ZNF385D: variants seen among roughly 807,000 people sequenced by gnomAD.
The protein encoded by ZNF385D is zinc finger protein 385D.
A neutral mutation model predicts 35.8 loss-of-function variants in ZNF385D; 15 were observed. That is an observed-to-expected ratio of 0.42 (90% CI 0.28 to 0.64). The LOEUF is 0.64. Among genes scored for constraint, ZNF385D ranks in the 30% least tolerant of loss-of-function variants. The pLI is 0.23. For missense variants in ZNF385D, 474 were observed against 494.6 expected, an observed-to-expected ratio of 0.96 and a Z score of 0.39; for synonymous variants, 212 against 186.8, an observed-to-expected ratio of 1.13 and a Z score of -1.10.
intron 3 of ZNF385D, among the ~76,000 whole-genome samples, chr3:21,940,322 A>G (rs1242592153): frequency 6.6e-6 from 1 of 152,154 alleles, no homozygotes; most frequent in Non-Finnish European, 1.5e-5. Context: ...CAGTTCACCC[A>G]TTTAGTGGCA....
At position 22,312,733 on chromosome 3, in the gene ZNF385D, A is replaced by G. The variant is rs569611757; in HGVS notation, c.106+59717T>C. On this transcript the variant is annotated intron_variant, in intron 2 of 5. Transcript: ENST00000494108. Reference sequence around the variant, plus strand: ...CCTCACACCAGTTAGAATGGCAATCATTAAAAAGTCAGGAAACAACAGGTG... The same window carrying G: ...CCTCACACCAGTTAGAATGGCAATCGTTAAAAAGTCAGGAAACAACAGGTG... Among the ~76,000 whole-genome samples the G allele has an allele frequency of 1.5e-4, 23 of 150,522 alleles. No individual in the cohort carries two copies. The South Asian group carries it at 4.5e-3, about 30-fold the overall frequency.
intron 3 of ZNF385D, among the ~76,000 whole-genome samples, chr3:21,830,906 T>C (rs1253326096): frequency 6.6e-6 from 1 of 152,214 alleles, no homozygotes; most frequent in Non-Finnish European, 1.5e-5. Context: ...CCAAGTTCAC[T>C]GAAGGGTGTC....
intron 3 of ZNF385D, among the ~76,000 whole-genome samples, chr3:22,062,205 G>A (rs1699725098): frequency 6.6e-6 from 1 of 151,972 alleles, no homozygotes; most frequent in Middle Eastern, 3.4e-3. Context: ...GTGCCACCAT[G>A]CCTAATTTAT....
At chr3:22,079,171 T>A (rs1700615134) in intron 3 of ZNF385D, among the ~76,000 whole-genome samples, 1 of 152,046 alleles carries the variant, frequency 6.6e-6, no homozygotes, top group African/African-American at 2.4e-5. Flanking sequence ...AATGCTAAAC[T>A]TGAGTGCCAC....
intron 4 of ZNF385D, among the ~76,000 whole-genome samples, chr3:21,498,638 C>A (rs902946704): frequency 6.6e-6 from 1 of 151,970 alleles, no homozygotes; most frequent in African/African-American, 2.4e-5. Flanking sequence ...AAATGCAAAT[C>A]CCAACCACAA....
intron 2 of ZNF385D, among the ~76,000 whole-genome samples, chr3:22,295,899 T>A (rs1203458073): frequency 6.6e-6 from 1 of 152,064 alleles, no homozygotes; most frequent in Non-Finnish European, 1.5e-5. Flanking sequence ...GGCTAATATT[T>A]GAAAGAAACT....
At chr3:21,804,969 T>G (rs892879975) in intron 3 of ZNF385D, among the ~76,000 whole-genome samples, 1 of 152,186 alleles carries the variant, frequency 6.6e-6, no homozygotes, top group African/African-American at 2.4e-5. Context: ...ATCCTTGCCC[T>G]GGGCAGAAGC....
At chr3:22,041,890 T>C (rs1698686468) in intron 3 of ZNF385D, among the ~76,000 whole-genome samples, 1 of 152,134 alleles carries the variant, frequency 6.6e-6, no homozygotes, top group Non-Finnish European at 1.5e-5. Context: ...ATCTGTGTTC[T>C]AATATTGAAG....
intron 3 of ZNF385D, among the ~76,000 whole-genome samples, chr3:21,757,065 A>T (rs1054166196): frequency 6.6e-6 from 1 of 151,354 alleles, no homozygotes. Flanking sequence ...TAAAAATACC[A>T]TAATATTCCA....
At chr3:22,202,795 C>T (rs1401933565) in intron 2 of ZNF385D, among the ~76,000 whole-genome samples, 1 of 152,056 alleles carries the variant, frequency 6.6e-6, no homozygotes, top group Non-Finnish European at 1.5e-5. Context: ...AGGCTGTGCT[C>T]CCAGCACTGA....
At chr3:22,076,528 T>C (rs1475093181) in intron 3 of ZNF385D, among the ~76,000 whole-genome samples, 3 of 151,950 alleles carry the variant, frequency 2.0e-5, no homozygotes, top group African/African-American at 2.4e-5. Context: ...TGTTATGCTA[T>C]AACACAGTCT....
chr3:21,945,147 T>C (rs657703), intron 3 of ZNF385D, among the ~76,000 whole-genome samples: 9,027 of 141,110 alleles, frequency 0.064, 432 homozygotes, highest in African/African-American at 0.14. Flanking sequence ...TGTATATGCA[T>C]ATATATATAC....
chr3:21,890,213 T>C (rs773910172), intron 3 of ZNF385D, among the ~76,000 whole-genome samples: 4 of 152,066 alleles, frequency 2.6e-5, no homozygotes, highest in Non-Finnish European at 5.9e-5. Context: ...AATTGATGTA[T>C]AGAGGGAGAG....
chr3:22,215,727 G>A (rs1242719760), intron 2 of ZNF385D, among the ~76,000 whole-genome samples: 1 of 151,962 alleles, frequency 6.6e-6, no homozygotes, highest in African/African-American at 2.4e-5. Context: ...TGTGAAGCAT[G>A]TGATCTCTGT....
At chr3:22,077,981 G>C (rs1043974661) in intron 3 of ZNF385D, among the ~76,000 whole-genome samples, 6 of 151,880 alleles carry the variant, frequency 4.0e-5, no homozygotes, top group East Asian at 1.9e-4. Context: ...CTAGACAAAA[G>C]ACAAAAATTG....
intron 3 of ZNF385D, among the ~76,000 whole-genome samples, chr3:21,800,430 TAGTTTTCAG>T (rs967327053): frequency 5.3e-5 from 8 of 152,164 alleles, no homozygotes; most frequent in Admixed American, 2.0e-4. Flanking sequence ...AGCAATGTTG[TAGTTTTCAG>T]AGTTTTCAGA....
Position 22,309,954 on chromosome 3 carries a change from A to G in ZNF385D, c.106+62496T>C, listed in dbSNP as rs116611177. On this transcript the variant is annotated intron_variant, in intron 2 of 5. Transcript: ENST00000494108. ...ATAGGAGAAAACTCGCTAATTCCCA[A>G]TAAAGCCATGGAGGCTTGATGAACT... 4.0e-3 allele frequency among the ~76,000 whole-genome samples: 612 copies of G among 152,146 alleles called. 3 individuals carry two copies. The highest frequency in any genetic ancestry group is 0.014 in the African/African-American group (570 of 41,550).
At chr3:21,650,839 G>A (rs988000345) in intron 2 of ZNF385D, among the ~76,000 whole-genome samples, 19 of 152,094 alleles carry the variant, frequency 1.2e-4, no homozygotes, top group African/African-American at 4.3e-4. Context: ...AAGTTATTAA[G>A]TAACACCTAA....
intron 1 of ZNF385D, among the ~76,000 whole-genome samples, chr3:21,725,622 A>G (rs929366405): frequency 4.6e-5 from 7 of 152,086 alleles, no homozygotes; most frequent in African/African-American, 1.7e-4. Flanking sequence ...ACCCGTCCAA[A>G]TCTAAACCAG....
Sources: allele counts gnomAD v4.1 joint callset (sites outside exome capture counted in the v4.1 genomes callset), GRCh38; gene constraint gnomAD v4.1.1; transcripts MANE v1.5; gene names NCBI Gene and HGNC (gene_info 2026-07-23, HGNC 2026-07-21).